Variants in SPATA6 observed in about 807,000 individuals in gnomAD.
SPATA6 encodes the protein spermatogenesis-associated protein 6.
In SPATA6, 56 loss-of-function variants were observed where a neutral mutation model predicts 65.3. The ratio of observed to expected loss-of-function variants is 0.86; its 90% CI spans 0.69 to 1.07. SPATA6 has a LOEUF of 1.07. Ranked by LOEUF, SPATA6 falls within the 50% of genes least tolerant of loss-of-function variation. The pLI is 0.00. For missense variants in SPATA6, 590 were observed against 594.8 expected (o/e 0.99, Z 0.08); for synonymous variants, 199 against 213.2 (o/e 0.93, Z 0.58).
intron 3 of SPATA6, among the ~76,000 whole-genome samples, chr1:48,448,809 T>G (rs1009914470): frequency 2.6e-5 from 4 of 152,148 alleles, no homozygotes; most frequent in African/African-American, 9.7e-5. Flanking sequence ...ATTATATAAC[T>G]CTTTAGATGA....
At chr1:48,390,467 T>C (rs965172831) in intron 8 of SPATA6, among the ~76,000 whole-genome samples, 2 of 152,132 alleles carry the variant, frequency 1.3e-5, no homozygotes, top group Non-Finnish European at 2.9e-5. Flanking sequence ...AAACATAAGA[T>C]TAGAAAACAG....
At chr1:48,457,687 C>G (rs1348342951) in intron 1 of SPATA6, among the ~76,000 whole-genome samples, 1 of 152,000 alleles carries the variant, frequency 6.6e-6, no homozygotes, top group Non-Finnish European at 1.5e-5. Flanking sequence ...CTAAGTGATT[C>G]CCAAATAAAC....
Position 48,399,650 on chromosome 1 carries a change from C to A in SPATA6, c.487-6G>T. 6.4e-7 allele frequency: 1 copy of A among 1,551,992 alleles called. No individual in the cohort carries two copies. Among genetic ancestry groups the A allele is most frequent in the African/African-American group, 1.4e-5 (1 of 72,002 alleles). On this transcript the variant is annotated splice_region_variant and splice_polypyrimidine_tract_variant and intron_variant, in intron 6 of 12. Transcript: ENST00000371847. ...AAATGGTAAATAAATTTATCCTAAA[C>A]ATAAAAAATAAAAATTAACTTGGTC...
At chr1:48,454,405 T>G (rs1424263090) in intron 1 of SPATA6, among the ~76,000 whole-genome samples, 1 of 152,148 alleles carries the variant, frequency 6.6e-6, no homozygotes, top group African/African-American at 2.4e-5. Flanking sequence ...CATCTCCTCC[T>G]CATTTATTCC....
chr1:48,472,177 T>C lies in SPATA6; in HGVS notation c.-169A>G. The C allele has an allele frequency of 1.8e-6, 1 of 549,200 alleles. No individual in the cohort carries two copies. Among genetic ancestry groups the C allele is most frequent in the Non-Finnish European group, 3.1e-6 (1 of 322,316 alleles). The allele number at this position is 549,200 out of a possible 1,614,324, so 34.0% of individuals were successfully genotyped here. On this transcript the variant is annotated 5_prime_UTR_variant, in exon 1 of 13. Transcript: ENST00000371847. ...GCCTGGGTTCCGCCGGAGAAGCAGCTGAGCGCGGGGCGCAGACTCGTTGTC... is the reference window on the plus strand; with the variant it reads ...GCCTGGGTTCCGCCGGAGAAGCAGCCGAGCGCGGGGCGCAGACTCGTTGTC...
intron 5 of SPATA6, among the ~76,000 whole-genome samples, chr1:48,405,597 C>G (rs1333601043): frequency 2.0e-5 from 3 of 152,154 alleles, no homozygotes; most frequent in Non-Finnish European, 4.4e-5. Flanking sequence ...TCATAAACCT[C>G]TCCAAAAGGC....
At chr1:48,440,244 C>T (rs1465473895) in intron 3 of SPATA6, among the ~76,000 whole-genome samples, 1 of 152,120 alleles carries the variant, frequency 6.6e-6, no homozygotes, top group Non-Finnish European at 1.5e-5. Flanking sequence ...GTCCCCTTCT[C>T]CCTCTGATTT....
At chr1:48,305,985 C>A in intron 11 of SPATA6, 107 bp from the exon 12 acceptor site, 3 of 771,888 alleles carry the variant, frequency 3.9e-6, no homozygotes, top group Non-Finnish European at 6.2e-6. Flanking sequence ...AATTTTAATT[C>A]ATAAGAAAGG....
intron 3 of SPATA6, among the ~76,000 whole-genome samples, chr1:48,428,773 ATATGTGTGTG>A (rs1277802198): frequency 4.1e-4 from 26 of 63,214 alleles, no homozygotes; most frequent in African/African-American, 1.4e-3. Context: ...ATAGGTGTAT[ATATGTGTGTG>A]TGTGTGTGTG....
At chr1:48,309,911 G>A (rs1156281450) in intron 11 of SPATA6, among the ~76,000 whole-genome samples, 1 of 152,132 alleles carries the variant, frequency 6.6e-6, no homozygotes, top group Non-Finnish European at 1.5e-5. Flanking sequence ...CTTAGCCTAA[G>A]CCGTAACTGA....
chr1:48,448,165 G>C (rs1656235426), intron 3 of SPATA6: 1 of 151,742 alleles, frequency 6.6e-6, no homozygotes, highest in Non-Finnish European at 1.5e-5. Context: ...GGAGGCTAAG[G>C]TGGAAAAATC....
intron 9 of SPATA6, among the ~76,000 whole-genome samples, chr1:48,378,337 A>T (rs946644458): frequency 1.1e-4 from 16 of 152,208 alleles, no homozygotes; most frequent in African/African-American, 3.6e-4. Context: ...TATAGCCTAC[A>T]ATAGCTTGAA....
At chr1:48,379,359 C>T (rs556567906) in intron 9 of SPATA6, among the ~76,000 whole-genome samples, 1 of 152,216 alleles carries the variant, frequency 6.6e-6, no homozygotes, top group Non-Finnish European at 1.5e-5. Context: ...GATTACAATT[C>T]GAGATGAGAT....
chr1:48,450,742 C>G (rs1342716192), intron 3 of SPATA6, among the ~76,000 whole-genome samples: 1 of 152,156 alleles, frequency 6.6e-6, no homozygotes, highest in Non-Finnish European at 1.5e-5. Flanking sequence ...CCAGACTCTT[C>G]TTCCCTCTAA....
At position 48,403,901 on chromosome 1, in the gene SPATA6, G is replaced by GTAT; in HGVS notation, c.406-22_406-20dup. ...CATTTCCCTGAGAAGAAAAAAGAGG[G>GTAT]TATTATTACACATTTCCATTTAAAT... On this transcript the variant is annotated intron_variant, in intron 5 of 12. Transcript: ENST00000371847. The GTAT allele has an allele frequency of 6.4e-7, 1 of 1,553,620 alleles. No individual in the cohort carries two copies. Among genetic ancestry groups the GTAT allele is most frequent in the Admixed American group, 1.8e-5 (1 of 56,850 alleles).
At chr1:48,352,884 G>A (rs1371069421) in intron 11 of SPATA6, among the ~76,000 whole-genome samples, 2 of 132,700 alleles carry the variant, frequency 1.5e-5, no homozygotes, top group African/African-American at 2.8e-5. Flanking sequence ...GAAGACAATG[G>A]ATTAGCTTCT....
At chr1:48,439,559 A>G (rs183296476) in intron 3 of SPATA6, among the ~76,000 whole-genome samples, 1 of 150,872 alleles carries the variant, frequency 6.6e-6, no homozygotes, top group Admixed American at 6.6e-5. Flanking sequence ...GGGCAAGAAG[A>G]GTTTCTGCTG....
rs545180011 is a variant in SPATA6, at chr1:48,365,079, T to A, written c.910-5309A>T. ...GAATCCTTTCCCCATTGCTTGTTTT[T>A]CTCAGGTTTGTCAAAGATCAGATAG... On this transcript the variant is annotated intron_variant, in intron 9 of 12. Transcript: ENST00000371847. Among the ~76,000 whole-genome samples, 5 of 152,332 alleles carry A rather than the reference T, an allele frequency of 3.3e-5. No homozygotes were observed. In the East Asian group the frequency reaches 7.7e-4, roughly 24 times the overall value.
chr1:48,324,177 C>G (rs1409533565), intron 11 of SPATA6, among the ~76,000 whole-genome samples: 1 of 152,134 alleles, frequency 6.6e-6, no homozygotes, highest in Non-Finnish European at 1.5e-5. Context: ...AAGCTGGTCT[C>G]AAACTCCTGG....
Sources: gnomAD v4.1 joint callset for allele counts (sites outside exome capture counted in the v4.1 genomes callset) on GRCh38, gnomAD v4.1.1 for gene constraint, MANE v1.5 for transcripts, NCBI Gene and HGNC (gene_info 2026-07-23, HGNC 2026-07-21) for gene names.